GLE1: variants seen among roughly 807,000 people sequenced by gnomAD.
The protein encoded by GLE1 is mRNA export factor GLE1.
A neutral mutation model predicts 97.3 loss-of-function variants in GLE1; 78 were observed. The ratio of observed to expected loss-of-function variants is 0.80; its 90% CI spans 0.67 to 0.97. The LOEUF (loss-of-function observed/expected upper bound fraction) is 0.97, where lower values mean the gene tolerates loss of function less well. GLE1 is among the 50% of genes least tolerant of loss of function. GLE1 has a pLI of 0.00. For missense variants in GLE1, 753 were observed against 857.5 expected (o/e 0.88, Z 1.52); for synonymous variants, 302 against 313.4 (o/e 0.96, Z 0.39).
chr9:128,520,790 G>A (rs542046347), intron 3 of GLE1, among the ~76,000 whole-genome samples: 31 of 150,686 alleles, frequency 2.1e-4, no homozygotes, highest in African/African-American at 7.1e-4. Flanking sequence ...GTCTCGCTCC[G>A]TTGCTCAGGC....
intron 12 of GLE1, 125 bp downstream of exon 12, chr9:128,536,609 G>A (rs1847719418): frequency 1.2e-6 from 1 of 814,834 alleles, no homozygotes; most frequent in East Asian, 2.6e-5. Context: ...CTATATGGCA[G>A]TTTCATGGGT....
intron 11 of GLE1, among the ~76,000 whole-genome samples, 200 bp downstream of exon 11, chr9:128,534,151 T>C (rs994691712): frequency 5.9e-5 from 9 of 152,128 alleles, no homozygotes; most frequent in Non-Finnish European, 4.4e-5. Flanking sequence ...GTGGATTGCC[T>C]GAGCTCAGGA....
At chr9:128,525,547 T>C in intron 7 of GLE1, 124 bp downstream of exon 7, 1 of 737,736 alleles carries the variant, frequency 1.4e-6, no homozygotes. Context: ...GTAATGTATT[T>C]CATTCAGTTT....
At chr9:128,528,449 G>A (rs2132479182) in intron 9 of GLE1, among the ~76,000 whole-genome samples, 1 of 151,942 alleles carries the variant, frequency 6.6e-6, no homozygotes, top group East Asian at 1.9e-4. Context: ...GACTACAGCT[G>A]CCCGCCACCA....
intron 9 of GLE1, among the ~76,000 whole-genome samples, chr9:128,528,213 C>T (rs139916411): frequency 3.0e-3 from 451 of 151,784 alleles, no homozygotes; most frequent in African/African-American, 9.9e-3. Context: ...ACTGTGTTAG[C>T]CAGGATGTTC....
chr9:128,527,148 C>G (rs755411661), intron 7 of GLE1, 31 bp from the exon 8 acceptor site: 2 of 1,120,060 alleles, frequency 1.8e-6, no homozygotes, highest in Non-Finnish European at 2.7e-6. Context: ...TAAATACTAG[C>G]TATTACTAAA....
chr9:128,514,796 C>A (rs1301018407), intron 2 of GLE1, among the ~76,000 whole-genome samples: 1 of 151,974 alleles, frequency 6.6e-6, no homozygotes, highest in Non-Finnish European at 1.5e-5. Context: ...ACCACAGCCT[C>A]CCAAAGTGCT....
intron 1 of GLE1, among the ~76,000 whole-genome samples, chr9:128,507,509 G>C (rs1846673618): frequency 6.7e-6 from 1 of 149,534 alleles, no homozygotes; most frequent in Non-Finnish European, 1.5e-5. Context: ...ACCTGAGCAT[G>C]AAAAGTTGAG....
At chr9:128,526,298 G>T (rs1360102784) in intron 7 of GLE1, among the ~76,000 whole-genome samples, 1 of 151,952 alleles carries the variant, frequency 6.6e-6, no homozygotes, top group Non-Finnish European at 1.5e-5. Context: ...AGGATTACAG[G>T]TGTGAGCCAC....
At chr9:128,509,651 C>CAAAAAAA (rs200898903) in intron 2 of GLE1, among the ~76,000 whole-genome samples, 1 of 126,054 alleles carries the variant, frequency 7.9e-6, no homozygotes. Context: ...CTCCTAAACG[C>CAAAAAAA]AAAAAAAAAA....
At chr9:128,534,778 G>A (rs911496393) in intron 11 of GLE1, among the ~76,000 whole-genome samples, 1 of 151,682 alleles carries the variant, frequency 6.6e-6, no homozygotes, top group African/African-American at 2.4e-5. Flanking sequence ...GAGTGCAGTG[G>A]CGTGATCTCA....
intron 12 of GLE1, among the ~76,000 whole-genome samples, chr9:128,537,690 G>T (rs1160370745): frequency 6.6e-6 from 1 of 151,928 alleles, no homozygotes; most frequent in Non-Finnish European, 1.5e-5. Context: ...CATGCCTGTA[G>T]TCCCAGCTAC....
At position 128,504,728 on chromosome 9, in the gene GLE1, T is replaced by A; in HGVS notation, c.-78T>A. On this transcript the variant is annotated 5_prime_UTR_variant, in exon 1 of 16. Coordinates refer to ENST00000309971, the MANE Select transcript of GLE1 (RefSeq NM_001003722.2). ...CGCGCGTCCCGGAAGCAGAAGCCTGTGTGGCCTTCCCGGCGGCTGATTCGA... is the reference window on the plus strand; with the variant it reads ...CGCGCGTCCCGGAAGCAGAAGCCTGAGTGGCCTTCCCGGCGGCTGATTCGA... 1.0e-6 allele frequency: 1 copy of A among 972,164 alleles called. No individual in the cohort carries two copies. Among genetic ancestry groups the A allele is most frequent in the Non-Finnish European group, 1.7e-6 (1 of 603,084 alleles). 60.2% of individuals were successfully genotyped at this position (972,164 alleles called of 1,614,324 possible).
chr9:128,517,565 A>G (rs1465811603), intron 3 of GLE1, among the ~76,000 whole-genome samples: 1 of 152,192 alleles, frequency 6.6e-6, no homozygotes, highest in African/African-American at 2.4e-5. Context: ...AGAAACGACT[A>G]ATTCTGCATA....
chr9:128,508,384 AAC>A (rs1300150268), intron 1 of GLE1, among the ~76,000 whole-genome samples: 2 of 152,128 alleles, frequency 1.3e-5, no homozygotes, highest in East Asian at 3.9e-4. Flanking sequence ...CAGCCTGGGT[AAC>A]AGAGTGAGAC....
chr9:128,539,502 TG>T, intron 13 of GLE1, 113 bp from the exon 14 acceptor site: 1 of 827,210 alleles, frequency 1.2e-6, no homozygotes, highest in Non-Finnish European at 2.1e-6. Flanking sequence ...AGTGGCATTG[TG>T]GTTGAAATTT....
chr9:128,535,465 T>C (rs1198868222), intron 11 of GLE1, among the ~76,000 whole-genome samples: 2 of 140,094 alleles, frequency 1.4e-5, no homozygotes, highest in Non-Finnish European at 3.0e-5. Context: ...GAGGTTGCAC[T>C]GAGCCGAGAT....
At chr9:128,523,451 T>C (rs531481370) in intron 5 of GLE1, 111 bp downstream of exon 5, 1 of 1,368,786 alleles carries the variant, frequency 7.3e-7, no homozygotes, top group Non-Finnish European at 1.0e-6. Flanking sequence ...GTATTATGCC[T>C]GTGTATGACT....
At chr9:128,508,462 C>G (rs577945155) in intron 1 of GLE1, among the ~76,000 whole-genome samples, 5 of 152,124 alleles carry the variant, frequency 3.3e-5, no homozygotes, top group Admixed American at 3.3e-4. Context: ...TGTAAGGATG[C>G]TTTACGATAC....
Sources: gnomAD v4.1 joint callset for allele counts (sites outside exome capture counted in the v4.1 genomes callset) on GRCh38, gnomAD v4.1.1 for gene constraint, MANE v1.5 for transcripts, NCBI Gene and HGNC (gene_info 2026-07-23, HGNC 2026-07-21) for gene names.